CSMD1: variants seen among roughly 807,000 people sequenced by gnomAD.
The protein encoded by CSMD1 is CUB and sushi domain-containing protein 1.
Under a neutral mutation model 417.5 loss-of-function variants are expected in CSMD1, and 213 were observed. That is an observed-to-expected ratio of 0.51 (90% CI 0.46 to 0.57). The LOEUF (loss-of-function observed/expected upper bound fraction) is 0.57. CSMD1 is among the 20% of genes least tolerant of loss of function. The pLI is 0.00. For synonymous variants in CSMD1, 2,862 were observed against 1,736.8 expected, an observed-to-expected ratio of 1.65 and a Z score of -16.11; for missense variants, 6,923 against 4,529.7, an observed-to-expected ratio of 1.53 and a Z score of -15.17.
At chr8:3,261,904 T>C (rs1023320396) in intron 26 of CSMD1, among the ~76,000 whole-genome samples, 1 of 151,968 alleles carries the variant, frequency 6.6e-6, no homozygotes, top group Non-Finnish European at 1.5e-5. Context: ...GGGATCCTAT[T>C]CCTGGGGGAA....
intron 1 of CSMD1, among the ~76,000 whole-genome samples, chr8:4,778,249 C>T (rs1439347686): frequency 6.6e-6 from 1 of 152,106 alleles, no homozygotes; most frequent in Middle Eastern, 3.2e-3. Flanking sequence ...CTATATCAGA[C>T]ATCAGCAAAC....
chr8:4,384,169 C>T (rs1052338974), intron 3 of CSMD1, among the ~76,000 whole-genome samples: 1 of 152,128 alleles, frequency 6.6e-6, no homozygotes, highest in African/African-American at 2.4e-5. Flanking sequence ...CCAGGATTCT[C>T]TAAGAAAGAC....
intron 1 of CSMD1, among the ~76,000 whole-genome samples, chr8:4,720,849 C>G (rs1373067828): frequency 6.6e-6 from 1 of 152,236 alleles, no homozygotes; most frequent in South Asian, 2.1e-4. Flanking sequence ...AGTCTAGAAG[C>G]CAAGGGAAAA....
chr8:3,163,569 C>G (rs1319901421), intron 37 of CSMD1, among the ~76,000 whole-genome samples: 2 of 151,922 alleles, frequency 1.3e-5, no homozygotes, highest in African/African-American at 2.4e-5. Context: ...CCTGCTTCAT[C>G]TGCTTCATGC....
At chr8:3,953,370 G>C (rs1347749489) in intron 5 of CSMD1, among the ~76,000 whole-genome samples, 3 of 152,254 alleles carry the variant, frequency 2.0e-5, no homozygotes, top group South Asian at 4.1e-4. Flanking sequence ...TATAATGCAA[G>C]TTAGGTGTTT....
intron 1 of CSMD1, among the ~76,000 whole-genome samples, chr8:4,721,197 C>G (rs886842174): frequency 1.3e-4 from 20 of 152,160 alleles, no homozygotes; most frequent in African/African-American, 7.2e-5. Context: ...TACTTTGTCC[C>G]TATCCATGTA....
intron 2 of CSMD1, among the ~76,000 whole-genome samples, chr8:4,540,609 T>A (rs79039900): frequency 6.6e-6 from 1 of 151,850 alleles, no homozygotes; most frequent in Non-Finnish European, 1.5e-5. Context: ...ATAACAGAAG[T>A]GAAAATAAAC....
Position 4,717,574 on chromosome 8 carries a change from CCATCCATCCATA to C in CSMD1, c.86-80028_86-80017del, listed in dbSNP as rs1312091132. ...CCTATCTATCTATCTATCCATCCAT[CCATCCATCCATA>C]CATCCATCCATCCATCCACAAGCAG... is the stretch of plus-strand genomic sequence containing the variant. On this transcript the variant is annotated intron_variant, in intron 1 of 69. Coordinates refer to ENST00000635120, the MANE Select transcript of CSMD1 (RefSeq NM_033225.6). Among the ~76,000 whole-genome samples, 100 of 151,050 alleles carry C rather than the reference CCATCCATCCATA, an allele frequency of 6.6e-4. 1 individual carries two copies. Among genetic ancestry groups the C allele is most frequent in the African/African-American group, 1.8e-3 (75 of 40,840 alleles).
At chr8:4,214,621 A>T (rs148259075) in intron 3 of CSMD1, among the ~76,000 whole-genome samples, 1 of 152,252 alleles carries the variant, frequency 6.6e-6, no homozygotes, top group African/African-American at 2.4e-5. Flanking sequence ...TTTTGAACAG[A>T]AACACTGAGT....
chr8:4,389,936 T>C lies in CSMD1; in HGVS notation c.415+30017A>G, dbSNP rs114745792. ...GTTATAATTCTAGGATGAATAGCTC[T>C]GTGTATGTCCTATGATATGCATGCA... On this transcript the variant is annotated intron_variant, in intron 3 of 69. Transcript: ENST00000635120. 3.5e-3 allele frequency among the ~76,000 whole-genome samples: 540 copies of C among 152,348 alleles called. 2 individuals carry two copies. The highest frequency in any genetic ancestry group is 0.013 in the African/African-American group (531 of 41,590).
Position 4,401,824 on chromosome 8 carries a change from G to A in CSMD1, c.415+18129C>T, listed in dbSNP as rs945493651. Among the ~76,000 whole-genome samples the A allele has an allele frequency of 3.3e-5, 5 of 152,152 alleles. No individual in the cohort carries two copies. In the South Asian group the frequency reaches 1.0e-3, roughly 32 times the overall value. On this transcript the variant is annotated intron_variant, in intron 3 of 69. Transcript: ENST00000635120. ...TCTCACTCACCCCTCCGTTCCCTGG[G>A]ATTGGCTGCTCATCATCATTTCCTG...
chr8:3,402,832 T>G (rs1243388825), intron 15 of CSMD1, among the ~76,000 whole-genome samples: 2 of 152,090 alleles, frequency 1.3e-5, no homozygotes, highest in African/African-American at 2.4e-5. Context: ...TTTATTTTTG[T>G]TTTTTCTAAC....
chr8:3,755,248 T>C (rs533572608), intron 5 of CSMD1, among the ~76,000 whole-genome samples: 2 of 152,250 alleles, frequency 1.3e-5, no homozygotes, highest in African/African-American at 2.4e-5. Flanking sequence ...TTGTGCTAGG[T>C]GAAGCAACAT....
chr8:4,993,835 C>G (rs1339960897), intron 1 of CSMD1, among the ~76,000 whole-genome samples: 1 of 152,096 alleles, frequency 6.6e-6, no homozygotes, highest in Non-Finnish European at 1.5e-5. Context: ...GGAGGCCGGG[C>G]CGGCGGAGAC....
rs188345942 is a variant in CSMD1, at chr8:3,332,953, C to A, written c.3631+10341G>T. On this transcript the variant is annotated intron_variant, in intron 23 of 69. Transcript: ENST00000635120. ...TGTCGATGCTGAGTTTGTCAAGATACGGAGCCTGACTCAATCCAGGGAAAG... is the reference window on the plus strand; with the variant it reads ...TGTCGATGCTGAGTTTGTCAAGATAAGGAGCCTGACTCAATCCAGGGAAAG... 2.2e-3 allele frequency among the ~76,000 whole-genome samples: 334 copies of A among 152,310 alleles called. 8 individuals carry two copies. Among genetic ancestry groups the A allele is most frequent in the Non-Finnish European group, 2.2e-4 (15 of 68,028 alleles).
At chr8:3,514,492 T>G (rs1394905870) in intron 10 of CSMD1, among the ~76,000 whole-genome samples, 2 of 152,190 alleles carry the variant, frequency 1.3e-5, no homozygotes, top group Non-Finnish European at 2.9e-5. Flanking sequence ...ATTTTTGGAA[T>G]TGACTAAAAA....
At chr8:3,253,053 T>C (rs1042982673) in intron 26 of CSMD1, among the ~76,000 whole-genome samples, 9 of 152,122 alleles carry the variant, frequency 5.9e-5, no homozygotes, top group Non-Finnish European at 1.2e-4. Context: ...ATTTTAGTTA[T>C]TTCTTTCCTT....
intron 6 of CSMD1, among the ~76,000 whole-genome samples, chr8:3,729,909 T>A (rs1265896186): frequency 8.9e-6 from 1 of 112,526 alleles, no homozygotes; most frequent in Non-Finnish European, 1.7e-5. Context: ...AATTATTATT[T>A]GCCAATTCAA....
At chr8:4,106,118 G>A (rs563362301) in intron 3 of CSMD1, among the ~76,000 whole-genome samples, 1 of 152,288 alleles carries the variant, frequency 6.6e-6, no homozygotes, top group South Asian at 2.1e-4. Flanking sequence ...GTGGGTGGAG[G>A]GAAAGTGACC....
Sources: allele counts gnomAD v4.1 joint callset (sites outside exome capture counted in the v4.1 genomes callset), GRCh38; gene constraint gnomAD v4.1.1; transcripts MANE v1.5; gene names NCBI Gene and HGNC (gene_info 2026-07-23, HGNC 2026-07-21).